GALNT18: variants seen among roughly 807,000 people sequenced by gnomAD.
GALNT18 encodes the protein GalNAc-transferase 18.
In GALNT18, 44 loss-of-function variants were observed where a neutral mutation model predicts 69.5. The ratio of observed to expected loss-of-function variants is 0.63; its 90% CI spans 0.50 to 0.81. The LOEUF (loss-of-function observed/expected upper bound fraction) is 0.81, where lower values mean the gene tolerates loss of function less well. Among genes scored for constraint, GALNT18 ranks in the 40% least tolerant of loss-of-function variants. The probability of loss-of-function intolerance (pLI) is 0.00; values close to 1 mark genes in which losing one functional copy is unlikely to be tolerated. For synonymous variants in GALNT18, 364 were observed against 318.2 expected (o/e 1.14, Z -1.53); for missense variants, 715 against 810.0 (o/e 0.88, Z 1.42).
chr11:11,453,559 C>T (rs755072428), intron 1 of GALNT18, among the ~76,000 whole-genome samples: 8 of 152,320 alleles, frequency 5.3e-5, no homozygotes, highest in East Asian at 3.9e-4. Context: ...GGTTTGGCTA[C>T]GTCCCCACCC....
At chr11:11,273,648 A>G (rs868294676) in intron 10 of GALNT18, among the ~76,000 whole-genome samples, 32 of 152,266 alleles carry the variant, frequency 2.1e-4, no homozygotes, top group Middle Eastern at 3.4e-3. Context: ...TCCTCAAAAA[A>G]CTGAAAATAA....
At chr11:11,342,010 A>G (rs1850217851) in intron 6 of GALNT18, among the ~76,000 whole-genome samples, 1 of 151,764 alleles carries the variant, frequency 6.6e-6, no homozygotes, top group Admixed American at 6.6e-5. Flanking sequence ...TGGCCCCAAC[A>G]TTGTGGAGTC....
chr11:11,353,008 C>T (rs769160653), intron 6 of GALNT18: 3 of 1,614,172 alleles, frequency 1.9e-6, no homozygotes, highest in Non-Finnish European at 2.5e-6. Flanking sequence ...AGCTGGTAGT[C>T]ATCTTGATTT....
In GALNT18 at chr11:11,600,115, A is replaced by G. The variant is rs1859598522; in HGVS notation, c.235+21244T>C. 6.6e-6 allele frequency among the ~76,000 whole-genome samples: 1 copy of G among 151,974 alleles called. No homozygotes were observed. The highest frequency in any genetic ancestry group is 1.5e-5 in the Non-Finnish European group (1 of 67,948). ...CATTTCTATATAAGCTCAGCAGTAC[A>G]ATAATTTGCATTTTTATGCAATTCC... is the stretch of plus-strand genomic sequence containing the variant. On this transcript the variant is annotated intron_variant, in intron 1 of 10. Transcript: ENST00000227756. This position sits in a 1 kb window ranked among gnomAD's most constrained non-coding sequence, Gnocchi z 4.8.
rs1199440715 is a variant in GALNT18, at chr11:11,605,557, C to A, written c.235+15802G>T. ...CTTCAGAGGGAAAGCCAGAGGCCAA[C>A]TTCCCTTTACCTCTGGGGTCCCAAG... is the stretch of plus-strand genomic sequence containing the variant. On this transcript the variant is annotated intron_variant, in intron 1 of 10. Coordinates refer to ENST00000227756, the MANE Select transcript of GALNT18 (RefSeq NM_198516.3). This position sits in a 1 kb window ranked among gnomAD's most constrained non-coding sequence, Gnocchi z 4.7. Among the ~76,000 whole-genome samples the A allele has an allele frequency of 6.6e-6, 1 of 152,160 alleles. No homozygotes were observed. Among genetic ancestry groups the A allele is most frequent in the Non-Finnish European group, 1.5e-5 (1 of 68,028 alleles).
At chr11:11,291,193 G>A (rs1849290066) in intron 10 of GALNT18, among the ~76,000 whole-genome samples, 1 of 152,100 alleles carries the variant, frequency 6.6e-6, no homozygotes. Context: ...CCCAGCTGGG[G>A]CATCTGGTGT....
Position 11,377,523 on chromosome 11 carries a change from G to T in GALNT18, c.780-144C>A. The T allele has an allele frequency of 1.4e-6, 1 of 697,064 alleles. No homozygotes were observed. The highest frequency in any genetic ancestry group is 2.4e-6 in the Non-Finnish European group (1 of 412,868). 43.2% of individuals were successfully genotyped at this position (697,064 alleles called of 1,614,324 possible). A position where few individuals can be genotyped will look rare whatever the true frequency, so the allele number is the denominator to read the frequency against. On this transcript the variant is annotated intron_variant, in intron 4 of 10. Coordinates refer to ENST00000227756, the MANE Select transcript of GALNT18 (RefSeq NM_198516.3). The surrounding 1 kb of genome is among the most constrained non-coding windows in gnomAD (Gnocchi z 4.6). ...CTGATGGAGAGGTGCACTGCCTTCT[G>T]GGAAGGAGCTCCTATTCAACTTCCC... is the stretch of plus-strand genomic sequence containing the variant.
rs1855015553 is a variant in GALNT18 at position 11,421,917 on chromosome 11, C to T, written c.595+10704G>A. 6.6e-6 allele frequency among the ~76,000 whole-genome samples: 1 copy of T among 152,200 alleles called. No individual in the cohort carries two copies. The highest frequency in any genetic ancestry group is 1.5e-5 in the Non-Finnish European group (1 of 68,046). ...ATAGACAGCACAGACTTTATTTTAG[C>T]CCCTACGTGCCCCTGGCCTGGGTGC... On this transcript the variant is annotated intron_variant, in intron 3 of 10. Transcript: ENST00000227756. This position sits in a 1 kb window ranked among gnomAD's most constrained non-coding sequence, Gnocchi z 5.6.
intron 2 of GALNT18, among the ~76,000 whole-genome samples, chr11:11,433,162 A>G (rs546402080): frequency 2.5e-4 from 38 of 152,380 alleles, no homozygotes; most frequent in Non-Finnish European, 4.0e-4. Flanking sequence ...AGTATTTCCA[A>G]AATGGTAACC....
intron 1 of GALNT18, among the ~76,000 whole-genome samples, chr11:11,487,101 T>G (rs1481476724): frequency 6.6e-6 from 1 of 152,214 alleles, no homozygotes; most frequent in Non-Finnish European, 1.5e-5. Context: ...AGCTACTCAA[T>G]TAATGCTCTG....
intron 2 of GALNT18, among the ~76,000 whole-genome samples, chr11:11,441,433 A>C (rs962680949): frequency 6.6e-6 from 1 of 152,188 alleles, no homozygotes; most frequent in Non-Finnish European, 1.5e-5. Flanking sequence ...ATCCCAAACT[A>C]GGAAAGTTCA....
chr11:11,429,544 G>A (rs1855218899), intron 3 of GALNT18, among the ~76,000 whole-genome samples: 1 of 152,218 alleles, frequency 6.6e-6, no homozygotes, highest in African/African-American at 2.4e-5. Flanking sequence ...GAGGGTAATA[G>A]TGACAGGGAT....
At chr11:11,526,989 C>G (rs1398203715) in intron 1 of GALNT18, among the ~76,000 whole-genome samples, 1 of 152,044 alleles carries the variant, frequency 6.6e-6, no homozygotes, top group Non-Finnish European at 1.5e-5. Flanking sequence ...ATGTGGGTAC[C>G]CTCTCTTGAA....
At chr11:11,294,764 G>C (rs1849366316) in intron 9 of GALNT18, among the ~76,000 whole-genome samples, 1 of 152,134 alleles carries the variant, frequency 6.6e-6, no homozygotes, top group Admixed American at 6.5e-5. Flanking sequence ...CCTCAGCCCT[G>C]AGCCATGGTT....
Position 11,571,745 on chromosome 11 carries a change from T to C in GALNT18, c.235+49614A>G, listed in dbSNP as rs548113503. Among the ~76,000 whole-genome samples, 105 of 152,236 alleles carry C rather than the reference T, an allele frequency of 6.9e-4. 1 individual carries two copies. Among genetic ancestry groups the C allele is most frequent in the Non-Finnish European group, 1.3e-3 (86 of 68,042 alleles). On this transcript the variant is annotated intron_variant, in intron 1 of 10. Coordinates refer to ENST00000227756, the MANE Select transcript of GALNT18 (RefSeq NM_198516.3). ...AATCCCATAACACGTAATGAGGTTA[T>C]TTTATCTAGAAAGATATCCAATGAC...
chr11:11,405,683 G>A (rs1854573817), intron 3 of GALNT18, among the ~76,000 whole-genome samples: 2 of 152,224 alleles, frequency 1.3e-5, no homozygotes, highest in Non-Finnish European at 2.9e-5. Flanking sequence ...CCCTCTGAGG[G>A]CGCCTTTTGT....
intron 1 of GALNT18, among the ~76,000 whole-genome samples, chr11:11,520,401 G>C (rs749558013): frequency 2.6e-5 from 4 of 152,192 alleles, no homozygotes; most frequent in Non-Finnish European, 4.4e-5. Context: ...CATGCCCACT[G>C]CACCCGTCAG....
intron 3 of GALNT18, among the ~76,000 whole-genome samples, chr11:11,408,319 C>G (rs1422026574): frequency 7.5e-6 from 1 of 133,130 alleles, no homozygotes; most frequent in Non-Finnish European, 1.5e-5. Context: ...GAGCCAAGAT[C>G]GTGGCACAGC....
At chr11:11,502,400 T>A (rs1488186279) in intron 1 of GALNT18, among the ~76,000 whole-genome samples, 1 of 152,184 alleles carries the variant, frequency 6.6e-6, no homozygotes, top group Non-Finnish European at 1.5e-5. Context: ...TGGTTCCCTC[T>A]GGGGAAGGAC....
Sources: allele counts gnomAD v4.1 joint callset (sites outside exome capture counted in the v4.1 genomes callset), GRCh38; gene constraint gnomAD v4.1.1; non-coding constraint Gnocchi (gnomAD v3.1); transcripts MANE v1.5; gene names NCBI Gene and HGNC (gene_info 2026-07-23, HGNC 2026-07-21).